Variants in ZNF560 observed in about 807,000 individuals in gnomAD.
ZNF560 encodes the protein zinc finger protein 560.
In ZNF560, 54 loss-of-function variants were observed where a neutral mutation model predicts 81.8. That is an observed-to-expected ratio of 0.66 (90% CI 0.53 to 0.83). The LOEUF (loss-of-function observed/expected upper bound fraction) is 0.83. ZNF560 is among the 40% of genes least tolerant of loss of function. ZNF560 has a pLI of 0.00. For synonymous variants in ZNF560, 321 were observed against 317.9 expected (o/e 1.01, Z -0.10); for missense variants, 940 against 932.4 (o/e 1.01, Z -0.11).
At chr19:9,483,524 G>A (rs556731384) in intron 2 of ZNF560, among the ~76,000 whole-genome samples, 88 of 149,588 alleles carry the variant, frequency 5.9e-4, no homozygotes, top group African/African-American at 2.0e-3. Context: ...CGCCCCGTCC[G>A]GGAGGGGGGT....
rs191575886 is a variant in ZNF560, at chr19:9,494,109, C to T, written c.-57+4019G>A. On this transcript the variant is annotated intron_variant, in intron 2 of 9. Transcript: ENST00000301480. ...ATCACACCACCACTCCCAGCCTGGG[C>T]GAAAGAGTGAGACTCCATCTCAAAA... Among the ~76,000 whole-genome samples, 38 of 128,718 alleles carry T rather than the reference C, an allele frequency of 3.0e-4. No individual in the cohort carries two copies. The East Asian group carries it at 4.9e-3, about 16-fold the overall frequency. 84.4% of individuals were successfully genotyped at this position (128,718 alleles called of 152,430 possible). A position where few individuals can be genotyped will look rare whatever the true frequency, so the allele number is the denominator to read the frequency against.
At chr19:9,468,393 C>T in intron 9 of ZNF560, 59 bp from the exon 10 acceptor site, 1 of 1,246,816 alleles carries the variant, frequency 8.0e-7, no homozygotes, top group Non-Finnish European at 1.1e-6. Flanking sequence ...TAATAGATAC[C>T]ACTCTTCTAA....
chr19:9,473,200 A>G lies in ZNF560; in HGVS notation c.217T>C (p.Leu73=), dbSNP rs1445977727. The G allele has an allele frequency of 1.2e-6, 2 of 1,613,844 alleles. No homozygotes were observed. Among genetic ancestry groups the G allele is most frequent in the African/African-American group, 2.7e-5 (2 of 74,912 alleles). ...TCACCTTGGAGAACTCCTTGCTGCA[A>G]GGTTCTCAACTCTTCTTCTTCCAAC... ...SWLEEEELRT[L]QQGVLQDWAI... is the part of the protein sequence containing the mutation. Residue 73 remains leucine (L), a synonymous_variant, in exon 5 of 10, where the codon TTG becomes CTG. Transcript: ENST00000301480.
In ZNF560 at chr19:9,467,374, A is replaced by G. The variant is rs1384352774; in HGVS notation, c.1573T>C (p.Phe525Leu). ...PFKCYKCGKP[F>L]TSSACLRIHM... ...ATACGAAGACAGGCAGAAGAGGTAA[A>G]TGGTTTCCCACATTTGTAACACTTA... Residue 525 changes from phenylalanine (F) to leucine (L), a missense_variant, in exon 10 of 10, where the codon TTT becomes CTT. Physicochemically the swap from Phe to Leu is conservative, Grantham distance 22. Coordinates refer to ENST00000301480, the MANE Select transcript of ZNF560 (RefSeq NM_152476.3). 1.2e-6 allele frequency: 2 copies of G among 1,614,010 alleles called. No individual in the cohort carries two copies. The highest frequency in any genetic ancestry group is 2.7e-5 in the African/African-American group (2 of 74,910).
the ZNF560 span, among the ~76,000 whole-genome samples, chr19:9,461,103 T>G: frequency 7.4e-3 from 1,112 of 151,096 alleles, 12 homozygotes; most frequent in African/African-American, 0.027. Context: ...TATTAATAGC[T>G]TTTGATAAGA....
rs143495913 is a variant in ZNF560, at chr19:9,467,879, A to C, written c.1068T>G (p.Asp356Glu). 57 of 1,614,052 alleles carry C rather than the reference A, an allele frequency of 3.5e-5. No individual in the cohort carries two copies. The highest frequency in any genetic ancestry group is 4.2e-5 in the Non-Finnish European group (50 of 1,180,032). The change falls in exon 10 of 10, where the codon GAT (aspartate) becomes GAG (glutamate). Residue 356 changes from aspartate (D) to glutamate (E), a missense_variant. Physicochemically the swap from Asp to Glu is conservative, Grantham distance 45. Transcript: ENST00000301480. ...NPYECKECGK[D>E]FRYPTHLNNH... ...TATTAAGGTGGGTAGGGTATCTAAA[A>C]TCTTTTCCACATTCCTTACATTCAT...
intron 2 of ZNF560, among the ~76,000 whole-genome samples, chr19:9,495,809 G>C (rs928653244): frequency 3.3e-5 from 5 of 152,292 alleles, no homozygotes; most frequent in Admixed American, 6.5e-5. Context: ...ACAAGACACT[G>C]ACTTTCTTTT....
At chr19:9,497,551 A>G (rs1015109001) in intron 2 of ZNF560, among the ~76,000 whole-genome samples, 4 of 151,908 alleles carry the variant, frequency 2.6e-5, no homozygotes, top group South Asian at 2.1e-4. Flanking sequence ...AAAAAAAAAA[A>G]AAAAATGTCG....
At chr19:9,480,867 C>T (rs1014101650) in intron 2 of ZNF560, among the ~76,000 whole-genome samples, 2 of 152,066 alleles carry the variant, frequency 1.3e-5, no homozygotes, top group Admixed American at 1.3e-4. Context: ...GGGAAGATTG[C>T]TTGAGCTCAG....
At chr19:9,481,170 A>G (rs2073284177) in intron 2 of ZNF560, among the ~76,000 whole-genome samples, 1 of 152,144 alleles carries the variant, frequency 6.6e-6, no homozygotes, top group Non-Finnish European at 1.5e-5. Context: ...AAGAAATGGG[A>G]AAAGGATTCC....
downstream of ZNF560, among the ~76,000 whole-genome samples, chr19:9,462,304 A>T (rs2072944695): frequency 6.6e-6 from 1 of 152,258 alleles, no homozygotes; most frequent in South Asian, 2.1e-4. Context: ...AGGTGTTCCT[A>T]AACCACAAAC....
At chr19:9,501,100 T>A (rs1057487143), upstream of ZNF560, among the ~76,000 whole-genome samples, 2 of 152,042 alleles carry the variant, frequency 1.3e-5, no homozygotes, top group Non-Finnish European at 2.9e-5. Context: ...TAATATTTTT[T>A]AAGGATTTTT....
At chr19:9,463,906 C>T (rs935988028), downstream of ZNF560, among the ~76,000 whole-genome samples, 4 of 152,146 alleles carry the variant, frequency 2.6e-5, no homozygotes, top group Non-Finnish European at 4.4e-5. Flanking sequence ...TGGTCTTGAA[C>T]TCCTGAGCCC....
At chr19:9,491,650 C>A (rs1485109691) in intron 2 of ZNF560, among the ~76,000 whole-genome samples, 1 of 151,494 alleles carries the variant, frequency 6.6e-6, no homozygotes, top group Non-Finnish European at 1.5e-5. Flanking sequence ...CATGGTGAAA[C>A]CCCATCTCTA....
chr19:9,495,966 C>G (rs1051986358), intron 2 of ZNF560, among the ~76,000 whole-genome samples: 3 of 152,314 alleles, frequency 2.0e-5, no homozygotes, highest in South Asian at 4.1e-4. Context: ...TACAATACAT[C>G]CATTCAGAAA....
In ZNF560 at chr19:9,466,729, A is replaced by C; in HGVS notation, c.2218T>G (p.Tyr740Asp). 1 of 1,614,184 alleles carries C rather than the reference A, an allele frequency of 6.2e-7. No individual in the cohort carries two copies. Among genetic ancestry groups the C allele is most frequent in the Admixed American group, 1.7e-5 (1 of 60,016 alleles). The change falls in exon 10 of 10, where the codon TAT (tyrosine) becomes GAT (aspartate). Residue 740 changes from tyrosine to aspartate, a missense_variant. Tyr to Asp is a radical substitution (Grantham distance 160). Transcript: ENST00000301480. ...HVRIHTGEKPYKCKECGKAFR... is the reference protein window; with the variant it reads ...HVRIHTGEKPDKCKECGKAFR... ...GCCTTCCCACATTCCTTACATTTAT[A>C]GGGCTTCTCTCCAGTGTGAATTCGC...
chr19:9,506,692 T>C, the ZNF560 span, among the ~76,000 whole-genome samples: 1 of 152,082 alleles, frequency 6.6e-6, no homozygotes, highest in East Asian at 1.9e-4. Context: ...TATTTATTTA[T>C]TTGAGACAGA....
the ZNF560 span, among the ~76,000 whole-genome samples, chr19:9,447,159 A>T: frequency 6.7e-6 from 1 of 149,646 alleles, no homozygotes; most frequent in African/African-American, 2.5e-5. Context: ...AAAAATAGAC[A>T]TACTCTCTGT....
rs371686809 is a variant in ZNF560, at chr19:9,477,942, G to A, written c.-56-2573C>T. Reference sequence around the variant, plus strand: ...AAGAGCAAATTTTTGAGTTACAGGAGTACAAGAAGACAAGAAAGAAAGAGA... The same window carrying A: ...AAGAGCAAATTTTTGAGTTACAGGAATACAAGAAGACAAGAAAGAAAGAGA... On this transcript the variant is annotated intron_variant, in intron 2 of 9. Coordinates refer to ENST00000301480, the MANE Select transcript of ZNF560 (RefSeq NM_152476.3). Among the ~76,000 whole-genome samples the A allele has an allele frequency of 8.5e-5, 13 of 152,152 alleles. No homozygotes were observed. The East Asian group carries it at 1.9e-3, about 23-fold the overall frequency.
Sources: allele counts gnomAD v4.1 joint callset (sites outside exome capture counted in the v4.1 genomes callset), GRCh38; gene constraint gnomAD v4.1.1; transcripts MANE v1.5; gene names NCBI Gene and HGNC (gene_info 2026-07-23, HGNC 2026-07-21).